The following SI variants were observed in gnomAD, a reference collection of about 807,000 sequenced individuals.
SI encodes sucrase-isomaltase.
In SI, 235 loss-of-function variants were observed where a neutral mutation model predicts 253.3. The ratio of observed to expected loss-of-function variants is 0.93; its 90% CI spans 0.83 to 1.03. The LOEUF is 1.03. Among genes scored for constraint, SI ranks in the 50% least tolerant of loss-of-function variants. The pLI is 0.00. For missense variants in SI, 2,442 were observed against 2,211.1 expected, an observed-to-expected ratio of 1.10 and a Z score of -2.09; for synonymous variants, 819 against 712.0, an observed-to-expected ratio of 1.15 and a Z score of -2.39.
At chr3:165,041,165 A>G in intron 17 of SI, 71 bp from the exon 18 acceptor site, 1 of 1,401,870 alleles carries the variant, frequency 7.1e-7, no homozygotes, top group South Asian at 1.2e-5. Context: ...GAAGCATTTT[A>G]ATCTGCTTTT....
chr3:165,033,752 T>C (rs1465482591), intron 22 of SI, among the ~76,000 whole-genome samples: 1 of 151,546 alleles, frequency 6.6e-6, no homozygotes, highest in Non-Finnish European at 1.5e-5. Context: ...ATTAAAAATG[T>C]ATTATTTTGA....
chr3:164,985,280 C>G (rs2108113740), intron 45 of SI, among the ~76,000 whole-genome samples: 1 of 152,196 alleles, frequency 6.6e-6, no homozygotes, highest in South Asian at 2.1e-4. Context: ...TCAAAGATCC[C>G]AAGTTGCATA....
intron 47 of SI, among the ~76,000 whole-genome samples, chr3:164,980,813 G>GTT (rs1422048669): frequency 6.6e-6 from 1 of 151,880 alleles, no homozygotes; most frequent in Non-Finnish European, 1.5e-5. Context: ...ATTTGGCATT[G>GTT]TTTATTTGCT....
intron 25 of SI, among the ~76,000 whole-genome samples, chr3:165,028,798 T>C (rs1337673309): frequency 6.6e-6 from 1 of 151,446 alleles, no homozygotes; most frequent in Non-Finnish European, 1.5e-5. Context: ...TCAAGGTGGA[T>C]TAAGGACTTA....
intron 47 of SI, 26 bp downstream of exon 47, chr3:164,982,217 G>C: frequency 1.3e-6 from 2 of 1,593,370 alleles, no homozygotes; most frequent in South Asian, 2.2e-5. Context: ...GTACGCTTTT[G>C]AAAAATATTT....
In SI at chr3:165,051,920, G is replaced by A. The variant is rs370496149; in HGVS notation, c.1513-2045C>T. Among the ~76,000 whole-genome samples, 4 of 151,938 alleles carry A rather than the reference G, an allele frequency of 2.6e-5. No individual in the cohort carries two copies. In the East Asian group the frequency reaches 5.8e-4, roughly 22 times the overall value. ...ATTGTATGACCATTTCAACATGATT[G>A]AATCAGAATGTGATTATTTTGCCAG... is the stretch of plus-strand genomic sequence containing the variant. On this transcript the variant is annotated intron_variant, in intron 13 of 47. Transcript: ENST00000264382.
At chr3:164,995,293 G>A (rs958942240) in intron 40 of SI, among the ~76,000 whole-genome samples, 1 of 151,614 alleles carries the variant, frequency 6.6e-6, no homozygotes, top group Admixed American at 6.6e-5. Flanking sequence ...AAGTAAAAAT[G>A]GTCCAAGAAC....
intron 37 of SI, among the ~76,000 whole-genome samples, chr3:165,000,490 A>AT (rs1004250150): frequency 1.3e-5 from 2 of 151,522 alleles, no homozygotes; most frequent in African/African-American, 4.8e-5. Context: ...AAATAAGCTA[A>AT]TTAGCCTTAT....
chr3:165,089,489 G>A, the SI span, among the ~76,000 whole-genome samples: 4 of 152,202 alleles, frequency 2.6e-5, no homozygotes, highest in South Asian at 8.3e-4. Context: ...AAGTGAATAA[G>A]GGGCCAGTGT....
chr3:165,039,708 T>C (rs570527647), intron 19 of SI, among the ~76,000 whole-genome samples, 179 bp downstream of exon 19: 1 of 152,210 alleles, frequency 6.6e-6, no homozygotes, highest in South Asian at 2.1e-4. Flanking sequence ...TGGTAAGCAA[T>C]CTACTTAATA....
intron 12 of SI, among the ~76,000 whole-genome samples, chr3:165,055,581 T>C (rs1283238549): frequency 6.6e-6 from 1 of 151,966 alleles, no homozygotes; most frequent in East Asian, 1.9e-4. Context: ...AATTTGTTTT[T>C]AAGCATCCTT....
chr3:165,024,491 C>T (rs751306274), intron 25 of SI, among the ~76,000 whole-genome samples: 2 of 151,028 alleles, frequency 1.3e-5, no homozygotes, highest in South Asian at 2.1e-4. Context: ...TGTGAGTCCT[C>T]ATAAAAGCTC....
intron 28 of SI, among the ~76,000 whole-genome samples, chr3:165,018,608 G>C (rs1390630253): frequency 6.6e-6 from 1 of 150,396 alleles, no homozygotes; most frequent in Non-Finnish European, 1.5e-5. Context: ...TGTAATCATA[G>C]TCAGATTTTA....
intron 26 of SI, among the ~76,000 whole-genome samples, 199 bp downstream of exon 26, chr3:165,023,371 C>A (rs1331601951): frequency 6.6e-6 from 1 of 151,370 alleles, no homozygotes; most frequent in South Asian, 2.1e-4. Context: ...GTATTAATCA[C>A]AAAGTTAGCA....
At chr3:165,063,414 A>C in intron 8 of SI, 28 bp downstream of exon 8, 1 of 1,004,474 alleles carries the variant, frequency 1.0e-6, no homozygotes, top group Non-Finnish European at 1.6e-6. Context: ...GAAATCTATA[A>C]ATATATTATC....
the SI span, among the ~76,000 whole-genome samples, chr3:165,083,631 G>A: frequency 6.6e-6 from 1 of 151,876 alleles, no homozygotes; most frequent in Non-Finnish European, 1.5e-5. Context: ...AATAACATAT[G>A]ACAAGATATT....
chr3:165,040,875 C>G (rs1207141292), intron 18 of SI, 65 bp downstream of exon 18: 3 of 1,361,314 alleles, frequency 2.2e-6, no homozygotes, highest in Admixed American at 1.7e-5. Context: ...CTCCATTAAA[C>G]TTTTCTGTGT....
At position 164,991,500 on chromosome 3, in the gene SI, G is replaced by A; in HGVS notation, c.4984-23C>T. The A allele has an allele frequency of 1.9e-6, 3 of 1,612,882 alleles. No individual in the cohort carries two copies. In the South Asian group the frequency reaches 3.3e-5, roughly 18 times the overall value. ...GCCCTGGAAATGAAAGGGATGGAAA[G>A]AACAGGTGGAGCAAGAAATGGAATC... is the stretch of plus-strand genomic sequence containing the variant. On this transcript the variant is annotated intron_variant, in intron 43 of 47. Coordinates refer to ENST00000264382, the MANE Select transcript of SI (RefSeq NM_001041.4).
chr3:165,032,913 T>A (rs1712326595), intron 23 of SI, among the ~76,000 whole-genome samples: 1 of 151,424 alleles, frequency 6.6e-6, no homozygotes, highest in Non-Finnish European at 1.5e-5. Flanking sequence ...TAATTACTCA[T>A]ATGCAACACA....
Sources: allele counts gnomAD v4.1 joint callset (sites outside exome capture counted in the v4.1 genomes callset), GRCh38; gene constraint gnomAD v4.1.1; transcripts MANE v1.5; gene names NCBI Gene and HGNC (gene_info 2026-07-23, HGNC 2026-07-21).